The following CAMK2A variants were observed in gnomAD, a reference collection of about 807,000 sequenced individuals.
The protein encoded by CAMK2A is calcium/calmodulin-dependent protein kinase type II subunit alpha.
CAMK2A carries 7 observed loss-of-function variants against 79.2 expected under a neutral mutation model. The observed-to-expected ratio is 0.09, with a 90% CI of 0.05 to 0.17. CAMK2A has a LOEUF of 0.17. Among genes scored for constraint, CAMK2A ranks in the 10% least tolerant of loss-of-function variants. The probability of loss-of-function intolerance (pLI) is 1.00; values close to 1 mark genes in which losing one functional copy is unlikely to be tolerated. For missense variants in CAMK2A, 214 were observed against 646.4 expected, an observed-to-expected ratio of 0.33 and a Z score of 7.25; for synonymous variants, 242 against 251.7, an observed-to-expected ratio of 0.96 and a Z score of 0.36.
At chr5:150,289,803 C>T (rs1444378028), upstream of CAMK2A, 10 of 545,842 alleles carry the variant, frequency 1.8e-5, no homozygotes, top group East Asian at 3.0e-5. Context: ...CTCACAGCCT[C>T]GCGAGCCTTC....
At chr5:150,260,469 A>AC (rs1251747733) in intron 3 of CAMK2A, among the ~76,000 whole-genome samples, 1 of 152,012 alleles carries the variant, frequency 6.6e-6, no homozygotes, top group African/African-American at 2.4e-5. Flanking sequence ...AAAAAAAAAA[A>AC]AAAAAAAGTG....
Position 150,238,760 on chromosome 5 carries a change from A to T in CAMK2A, c.1018-12T>A. 6.3e-7 allele frequency: 1 copy of T among 1,597,134 alleles called. No homozygotes were observed. The highest frequency in any genetic ancestry group is 8.5e-7 in the Non-Finnish European group (1 of 1,170,014). ...CTCTCTGAGGATTCCTGCCAAAGAG[A>T]ATACAGGAGATGGTGAGGCCTGCCT... On this transcript the variant is annotated splice_polypyrimidine_tract_variant and intron_variant, in intron 14 of 18. Coordinates refer to ENST00000671881, the MANE Select transcript of CAMK2A (RefSeq NM_015981.4).
rs147490193 is a variant in CAMK2A at position 150,219,870 on chromosome 5, T to TTTATTATTATTATTATTATTA, written c.*2819_*2839dup. The stretch of plus-strand genomic sequence containing the variant: ...TTGGGTTTGGATTTTTATTTATTTA[T>TTTATTATTATTATTATTATTA]TTATTATTATTATTATTATTATTTT... On this transcript the variant is annotated 3_prime_UTR_variant, in exon 19 of 19. Coordinates refer to ENST00000671881, the MANE Select transcript of CAMK2A (RefSeq NM_015981.4). 1 of 138,802 alleles carries TTTATTATTATTATTATTATTA rather than the reference T, an allele frequency of 7.2e-6. No homozygotes were observed. Among genetic ancestry groups the TTTATTATTATTATTATTATTA allele is most frequent in the African/African-American group, 2.5e-5 (1 of 39,384 alleles). The allele number at this position is 138,802 out of a possible 1,614,324, so 8.6% of individuals were successfully genotyped here. A position where few individuals can be genotyped will look rare whatever the true frequency, so the allele number is the denominator to read the frequency against.
intron 1 of CAMK2A, among the ~76,000 whole-genome samples, chr5:150,289,064 GT>G (rs1470393895): frequency 6.6e-6 from 1 of 152,180 alleles, no homozygotes; most frequent in Admixed American, 6.5e-5. Context: ...GGAGGGAGAA[GT>G]TGGCCACTCT....
intron 1 of CAMK2A, among the ~76,000 whole-genome samples, chr5:150,285,875 G>C (rs1353844556): frequency 6.6e-6 from 1 of 152,166 alleles, no homozygotes; most frequent in Non-Finnish European, 1.5e-5. Context: ...AACCTCTCCT[G>C]GGGGTAGGAT....
At chr5:150,255,863 G>A (rs1756033960) in intron 6 of CAMK2A, among the ~76,000 whole-genome samples, 1 of 152,208 alleles carries the variant, frequency 6.6e-6, no homozygotes, top group Admixed American at 6.5e-5. Flanking sequence ...TGGGCAAATT[G>A]CTTGAACTCT....
At chr5:150,271,506 G>A (rs1291217100) in intron 2 of CAMK2A, among the ~76,000 whole-genome samples, 1 of 152,166 alleles carries the variant, frequency 6.6e-6, no homozygotes, top group Non-Finnish European at 1.5e-5. Flanking sequence ...GGACTGCCAC[G>A]AACCTGCACC....
intron 2 of CAMK2A, among the ~76,000 whole-genome samples, chr5:150,269,273 C>T (rs764410824): frequency 6.6e-6 from 1 of 152,144 alleles, no homozygotes; most frequent in Non-Finnish European, 1.5e-5. Flanking sequence ...GGGCTAAGAG[C>T]ATGGCAAGGC....
At chr5:150,249,506 G>A (rs1755731608) in intron 11 of CAMK2A, among the ~76,000 whole-genome samples, 2 of 151,828 alleles carry the variant, frequency 1.3e-5, no homozygotes, top group African/African-American at 4.8e-5. Flanking sequence ...CCAAACTTCT[G>A]CACAGGCTGC....
chr5:150,227,334 G>T (rs1484366322), intron 17 of CAMK2A, among the ~76,000 whole-genome samples: 1 of 152,204 alleles, frequency 6.6e-6, no homozygotes, highest in Non-Finnish European at 1.5e-5. Context: ...TATTGAGAGA[G>T]AATTAAGAAG....
At chr5:150,225,283 T>C (rs1754547321) in intron 17 of CAMK2A, among the ~76,000 whole-genome samples, 1 of 152,122 alleles carries the variant, frequency 6.6e-6, no homozygotes. Context: ...ACATGGTGTC[T>C]TTTGAAAAGA....
intron 1 of CAMK2A, among the ~76,000 whole-genome samples, chr5:150,285,456 G>A (rs1757385985): frequency 6.6e-6 from 1 of 152,220 alleles, no homozygotes; most frequent in South Asian, 2.1e-4. Context: ...CAACAGCTCT[G>A]CCTGGGAAAG....
At chr5:150,250,388 G>A in intron 10 of CAMK2A, 79 bp from the exon 11 acceptor site, 1 of 1,158,040 alleles carries the variant, frequency 8.6e-7, no homozygotes, top group Non-Finnish European at 1.3e-6. Flanking sequence ...CTTCAGCAGG[G>A]CATCTTAATG....
chr5:150,239,667 C>G, intron 14 of CAMK2A, 37 bp downstream of exon 14: 2 of 1,608,762 alleles, frequency 1.2e-6, no homozygotes, highest in South Asian at 1.1e-5. Context: ...GTTCGAGGCC[C>G]AGCATTTACC....
chr5:150,230,074 C>A (rs1404779217), intron 16 of CAMK2A, among the ~76,000 whole-genome samples: 1 of 152,048 alleles, frequency 6.6e-6, no homozygotes, highest in African/African-American at 2.4e-5. Context: ...AATCCCAGCA[C>A]TTTGGGAGGC....
intron 3 of CAMK2A, among the ~76,000 whole-genome samples, chr5:150,264,252 G>C (rs182858899): frequency 6.6e-6 from 1 of 152,312 alleles, no homozygotes; most frequent in Admixed American, 6.5e-5. Flanking sequence ...TCAGAGGATG[G>C]GGGGAAGTGA....
Position 150,219,727 on chromosome 5 carries a change from G to A in CAMK2A, c.*2983C>T, listed in dbSNP as rs954874736. The stretch of plus-strand genomic sequence containing the variant: ...AGTCTGGCAAACTCATCCCCCAAAA[G>A]GGTCTCCCTTTGAAGGGAGACAGGA... On this transcript the variant is annotated 3_prime_UTR_variant, in exon 19 of 19. Transcript: ENST00000671881. 7.9e-5 allele frequency: 12 copies of A among 151,864 alleles called. No homozygotes were observed. Among genetic ancestry groups the A allele is most frequent in the African/African-American group, 1.2e-4 (5 of 41,176 alleles). 9.4% of individuals were successfully genotyped at this position (151,864 alleles called of 1,614,324 possible).
intron 13 of CAMK2A, among the ~76,000 whole-genome samples, chr5:150,244,502 A>G (rs1347087030): frequency 6.6e-6 from 1 of 152,204 alleles, no homozygotes; most frequent in Non-Finnish European, 1.5e-5. Flanking sequence ...AGAGCAGGGG[A>G]CCAGGCCCCA....
intron 13 of CAMK2A, among the ~76,000 whole-genome samples, chr5:150,241,992 CAG>C (rs1294863023): frequency 1.3e-5 from 2 of 152,184 alleles, no homozygotes; most frequent in Non-Finnish European, 2.9e-5. Context: ...GGAGGAAACA[CAG>C]AGCAGAGACT....
Sources: gnomAD v4.1 joint callset for allele counts (sites outside exome capture counted in the v4.1 genomes callset) on GRCh38, gnomAD v4.1.1 for gene constraint, MANE v1.5 for transcripts, NCBI Gene and HGNC (gene_info 2026-07-23, HGNC 2026-07-21) for gene names.